The following SLC4A10 variants were observed in gnomAD, a reference collection of about 807,000 sequenced individuals.
SLC4A10 encodes the protein solute carrier family 4 member 10, also known as sodium-driven chloride bicarbonate exchanger.
SLC4A10 carries 42 observed loss-of-function variants against 137.7 expected under a neutral mutation model. The observed-to-expected ratio is 0.30, with a 90% CI of 0.24 to 0.39. The LOEUF (loss-of-function observed/expected upper bound fraction) is 0.39. Ranked by LOEUF, SLC4A10 falls within the 10% of genes least tolerant of loss-of-function variation. SLC4A10 has a pLI of 1.00. For missense variants in SLC4A10, 925 were observed against 1,355.0 expected (o/e 0.68, Z 4.98); for synonymous variants, 474 against 464.1 (o/e 1.02, Z -0.27).
chr2:161,947,863 C>A, intron 17 of SLC4A10, 136 bp downstream of exon 17: 1 of 964,486 alleles, frequency 1.0e-6, no homozygotes, highest in Admixed American at 2.6e-5. Context: ...AGATGAGGGG[C>A]TGAAGAGAAA....
intron 1 of SLC4A10, among the ~76,000 whole-genome samples, chr2:161,703,967 T>G (rs1216362459): frequency 6.6e-6 from 1 of 151,668 alleles, no homozygotes; most frequent in Non-Finnish European, 1.5e-5. Flanking sequence ...CTAATAGCTT[T>G]GCTGTACATT....
chr2:161,977,763 A>G lies in SLC4A10; in HGVS notation c.*26+3A>G. On this transcript the variant is annotated splice_donor_region_variant and intron_variant, in intron 26 of 26. Coordinates refer to ENST00000446997, the MANE Select transcript of SLC4A10 (RefSeq NM_001178015.2). ...CTCTAGAAGCTGATTCCCCAAAGGT[A>G]AGACCCTCTCCCTCAAATCTATTCC... 6.3e-7 allele frequency: 1 copy of G among 1,585,742 alleles called. No homozygotes were observed. The highest frequency in any genetic ancestry group is 8.5e-7 in the Non-Finnish European group (1 of 1,169,712).
chr2:161,947,612 A>C lies in SLC4A10; in HGVS notation c.2150A>C (p.His717Pro). 6.2e-7 allele frequency: 1 copy of C among 1,613,206 alleles called. No homozygotes were observed. Among genetic ancestry groups the C allele is most frequent in the Non-Finnish European group, 8.5e-7 (1 of 1,179,408 alleles). ...HGEYVGRACG[H>P]DHPYVPDVLF... is the part of the protein sequence containing the mutation. ...GAGTATGTTGGACGGGCCTGTGGCCATGATCACCCATATGTTCCAGATGTT... is the reference window on the plus strand; with the variant it reads ...GAGTATGTTGGACGGGCCTGTGGCCCTGATCACCCATATGTTCCAGATGTT... Residue 717 changes from histidine (H) to proline (P), a missense_variant, in exon 17 of 27, where the codon CAT becomes CCT. Physicochemically the swap from His to Pro is moderately conservative, Grantham distance 77. Around this residue, in one of 11 missense-constraint regions of SLC4A10, gnomAD observed 91 missense variants for 95.6 expected, o/e 0.95. Transcript: ENST00000446997.
intron 15 of SLC4A10, among the ~76,000 whole-genome samples, chr2:161,911,829 A>T (rs1685932483): frequency 6.6e-6 from 1 of 152,108 alleles, no homozygotes; most frequent in African/African-American, 2.4e-5. Context: ...CCCCCCTAAA[A>T]AGCTAGATTG....
chr2:161,817,920 T>A (rs567378161), intron 3 of SLC4A10, among the ~76,000 whole-genome samples: 22 of 151,824 alleles, frequency 1.4e-4, no homozygotes, highest in Admixed American at 1.3e-3. Context: ...GCGTGATGCC[T>A]CCAGCTTTGT....
At chr2:161,829,115 A>T (rs1035540424) in intron 3 of SLC4A10, among the ~76,000 whole-genome samples, 4 of 148,522 alleles carry the variant, frequency 2.7e-5, no homozygotes, top group Non-Finnish European at 4.5e-5. Context: ...TCTTGTGAAA[A>T]CCTCCTTGAC....
At chr2:161,833,071 G>T (rs536669134) in intron 3 of SLC4A10, among the ~76,000 whole-genome samples, 7 of 152,314 alleles carry the variant, frequency 4.6e-5, no homozygotes, top group African/African-American at 1.4e-4. Flanking sequence ...AACAATTTTA[G>T]AGATACATAC....
intron 3 of SLC4A10, among the ~76,000 whole-genome samples, chr2:161,813,335 G>A (rs147453299): frequency 6.6e-6 from 1 of 152,146 alleles, no homozygotes; most frequent in East Asian, 1.9e-4. Context: ...TGTATAATAA[G>A]CATCACACTT....
At chr2:161,818,690 G>C (rs2125678736) in intron 3 of SLC4A10, among the ~76,000 whole-genome samples, 1 of 152,248 alleles carries the variant, frequency 6.6e-6, no homozygotes, top group East Asian at 1.9e-4. Flanking sequence ...AGCATGAAAG[G>C]TTGTTGAATT....
intron 15 of SLC4A10, among the ~76,000 whole-genome samples, chr2:161,933,560 T>C (rs1338939235): frequency 6.6e-6 from 1 of 152,054 alleles, no homozygotes; most frequent in Non-Finnish European, 1.5e-5. Context: ...ATCTGCCTAA[T>C]TTAAAAAATT....
At chr2:161,870,384 G>T (rs1318172497) in intron 6 of SLC4A10, among the ~76,000 whole-genome samples, 1 of 151,570 alleles carries the variant, frequency 6.6e-6, no homozygotes, top group African/African-American at 2.4e-5. Context: ...CTTTTGTTTT[G>T]TATGTGTTTG....
chr2:161,675,332 G>A (rs1014123028), intron 1 of SLC4A10, among the ~76,000 whole-genome samples: 1 of 152,292 alleles, frequency 6.6e-6, no homozygotes. Flanking sequence ...GATGGAGGGA[G>A]ATTAAACCTG....
chr2:161,966,823 C>T (rs942731750), intron 23 of SLC4A10, among the ~76,000 whole-genome samples: 4 of 151,906 alleles, frequency 2.6e-5, no homozygotes, highest in Non-Finnish European at 5.9e-5. Context: ...TGCTTTCATC[C>T]TCAGATACTC....
At chr2:161,632,969 A>T (rs1046593073) in intron 1 of SLC4A10, among the ~76,000 whole-genome samples, 2 of 151,640 alleles carry the variant, frequency 1.3e-5, no homozygotes, top group Admixed American at 6.6e-5. Flanking sequence ...TTAGCATATT[A>T]CCTATTACTT....
chr2:161,714,550 T>C (rs2044640319), intron 1 of SLC4A10, among the ~76,000 whole-genome samples: 1 of 151,916 alleles, frequency 6.6e-6, no homozygotes, highest in Non-Finnish European at 1.5e-5. Context: ...CAGTGAAGCA[T>C]ATTATGATGT....
chr2:161,624,646 C>T, intron 1 of SLC4A10, 80 bp downstream of exon 1: 1 of 1,541,216 alleles, frequency 6.5e-7, no homozygotes, highest in Non-Finnish European at 8.8e-7. Context: ...TAGCTAGGTG[C>T]AGCGAGTGTA....
At chr2:161,869,367 TAATAATTGGCATAAACTA>T (rs916748800) in intron 6 of SLC4A10, among the ~76,000 whole-genome samples, 2 of 151,690 alleles carry the variant, frequency 1.3e-5, no homozygotes, top group African/African-American at 4.8e-5. Context: ...TGAAAGATGG[TAATAATTGGCATAAACTA>T]AATAATTGGC....
At chr2:161,827,121 C>T (rs1378431642) in intron 3 of SLC4A10, among the ~76,000 whole-genome samples, 1 of 152,058 alleles carries the variant, frequency 6.6e-6, no homozygotes, top group African/African-American at 2.4e-5. Context: ...ATTCCTTTTC[C>T]GATTCTTTTG....
intron 26 of SLC4A10, among the ~76,000 whole-genome samples, chr2:161,982,485 GA>G (rs1264992106): frequency 6.6e-6 from 1 of 152,154 alleles, no homozygotes; most frequent in African/African-American, 2.4e-5. Context: ...ATGAGAGGGT[GA>G]GATTAAACAG....
Sources: allele counts gnomAD v4.1 joint callset (sites outside exome capture counted in the v4.1 genomes callset), GRCh38; gene constraint gnomAD v4.1.1; regional missense constraint gnomAD v4.1.1; transcripts MANE v1.5; gene names NCBI Gene and HGNC (gene_info 2026-07-23, HGNC 2026-07-21).